The following LY9 variants were observed in gnomAD, a reference collection of about 807,000 sequenced individuals.
The protein encoded by LY9 is T-lymphocyte surface antigen Ly-9.
A neutral mutation model predicts 64.6 loss-of-function variants in LY9; 59 were observed. The observed-to-expected ratio is 0.91, with a 90% CI of 0.74 to 1.13. The LOEUF is 1.13. Among genes scored for constraint, LY9 ranks in the 50% most tolerant of loss-of-function variants. The pLI is 0.00. For missense variants in LY9, 789 were observed against 797.2 expected (o/e 0.99, Z 0.12); for synonymous variants, 281 against 308.5 (o/e 0.91, Z 0.93).
At chr1:160,819,413 C>G in intron 7 of LY9, 39 bp downstream of exon 7, 1 of 1,541,638 alleles carries the variant, frequency 6.5e-7, no homozygotes, top group Admixed American at 1.7e-5. Context: ...GGTATCTGGT[C>G]CAAATGGAAG....
At chr1:160,826,172 G>C (rs923472476) in intron 9 of LY9, among the ~76,000 whole-genome samples, 6 of 152,124 alleles carry the variant, frequency 3.9e-5, no homozygotes, top group Non-Finnish European at 5.9e-5. Flanking sequence ...AAAATCATAA[G>C]GAAGATAAAA....
intron 9 of LY9, among the ~76,000 whole-genome samples, chr1:160,826,987 G>A (rs192885972): frequency 6.2e-4 from 95 of 152,298 alleles, no homozygotes; most frequent in African/African-American, 2.1e-3. Context: ...CTACCCTGGA[G>A]ACTGAGACCC....
chr1:160,821,736 A>G (rs1252612864), intron 7 of LY9, among the ~76,000 whole-genome samples: 1 of 152,156 alleles, frequency 6.6e-6, no homozygotes, highest in African/African-American at 2.4e-5. Flanking sequence ...CCTCCTTATG[A>G]ATCCCTAAGC....
chr1:160,803,268 T>G, intron 2 of LY9, among the ~76,000 whole-genome samples: 1 of 150,722 alleles, frequency 6.6e-6, no homozygotes. Flanking sequence ...GGTGACAAAG[T>G]GAAAACCGTG....
chr1:160,827,335 C>G (rs761333978), intron 9 of LY9, among the ~76,000 whole-genome samples: 1 of 152,218 alleles, frequency 6.6e-6, no homozygotes, highest in Non-Finnish European at 1.5e-5. Flanking sequence ...CCCTTGGGAA[C>G]AGCTTGGGGA....
chr1:160,796,660 G>A (rs1665901145), intron 1 of LY9, among the ~76,000 whole-genome samples: 1 of 152,106 alleles, frequency 6.6e-6, no homozygotes, highest in Admixed American at 6.5e-5. Context: ...TGAAGTGCTG[G>A]GATTACAGGC....
At chr1:160,805,919 CT>C (rs60244350) in intron 2 of LY9, among the ~76,000 whole-genome samples, 1,322 of 72,434 alleles carry the variant, frequency 0.018, 11 homozygotes, top group Middle Eastern at 0.057. Context: ...CATTCTTTGT[CT>C]TTTTTTTTTT....
At chr1:160,805,524 A>G (rs1666889071) in intron 2 of LY9, among the ~76,000 whole-genome samples, 1 of 152,156 alleles carries the variant, frequency 6.6e-6, no homozygotes. Context: ...CAAATAGTTT[A>G]TCCTGGAGAA....
intron 2 of LY9, among the ~76,000 whole-genome samples, chr1:160,803,097 C>G (rs1666656127): frequency 6.6e-6 from 1 of 152,030 alleles, no homozygotes; most frequent in African/African-American, 2.4e-5. Flanking sequence ...GACTGGCTAA[C>G]ATGGTGAAAC....
intron 2 of LY9, chr1:160,811,822 C>T (rs1022348385): frequency 1.6e-4 from 25 of 152,306 alleles, no homozygotes; most frequent in African/African-American, 5.8e-4. Flanking sequence ...CTGCAGTGTT[C>T]CTATTTTCTT....
Position 160,800,012 on chromosome 1 carries a change from C to T in LY9, c.384C>T (p.Ser128=). The T allele has an allele frequency of 6.2e-7, 1 of 1,614,168 alleles. No homozygotes were observed. Among genetic ancestry groups the T allele is most frequent in the South Asian group, 1.1e-5 (1 of 91,080 alleles). The part of the protein sequence containing the change: ...ISNLTLNDAG[S]YKAQINQRNF... ...ATCTGACTCTGAATGATGCAGGATC[C>T]TACAAAGCCCAGATAAACCAAAGGA... Residue 128 remains serine, a synonymous_variant, in exon 2 of 10, where the codon TCC becomes TCT. Transcript: ENST00000263285.
chr1:160,817,984 T>G (rs990803134), intron 5 of LY9, among the ~76,000 whole-genome samples: 1 of 152,164 alleles, frequency 6.6e-6, no homozygotes, highest in African/African-American at 2.4e-5. Context: ...ACTGTGACAC[T>G]GGGCAAGCCG....
At chr1:160,823,066 T>C (rs1341908874) in intron 7 of LY9, among the ~76,000 whole-genome samples, 1 of 152,162 alleles carries the variant, frequency 6.6e-6, no homozygotes, top group Non-Finnish European at 1.5e-5. Context: ...TTCCATAGGA[T>C]ACTTGGCAAA....
intron 2 of LY9, chr1:160,810,657 A>G (rs778109539): frequency 4.6e-5 from 7 of 152,336 alleles, no homozygotes; most frequent in Non-Finnish European, 1.0e-4. Context: ...CTGGCCTCTC[A>G]AAATTCATGT....
At position 160,824,138 on chromosome 1, in the gene LY9, C is replaced by T. The variant is rs1192312747; in HGVS notation, c.1831-43C>T. The T allele has an allele frequency of 4.3e-6, 7 of 1,612,924 alleles. No homozygotes were observed. In the South Asian group the frequency reaches 6.6e-5, roughly 15 times the overall value. On this transcript the variant is annotated intron_variant, in intron 8 of 9. Coordinates refer to ENST00000263285, the MANE Select transcript of LY9 (RefSeq NM_002348.4). The stretch of plus-strand genomic sequence containing the variant: ...GGGTTGAGGGTAAAACTGAAAAGCT[C>T]TCATGTGGTCACTAGGGCTCATCTG...
At chr1:160,807,531 G>A (rs1558090071) in intron 2 of LY9, among the ~76,000 whole-genome samples, 1 of 152,178 alleles carries the variant, frequency 6.6e-6, no homozygotes, top group Non-Finnish European at 1.5e-5. Context: ...CGATTTTTAG[G>A]TCTCCAGGTG....
At chr1:160,814,901 C>G in intron 4 of LY9, 140 bp downstream of exon 4, 1 of 671,982 alleles carries the variant, frequency 1.5e-6, no homozygotes, top group Non-Finnish European at 2.5e-6. Context: ...CTGTTCAGTT[C>G]ACACCAGTTG....
chr1:160,809,423 G>C lies in LY9; in HGVS notation c.455-4213G>C, dbSNP rs534849442. Among the ~76,000 whole-genome samples, 402 of 151,274 alleles carry C rather than the reference G, an allele frequency of 2.7e-3. 8 individuals are homozygous for C. The South Asian group carries it at 0.04, about 15-fold the overall frequency. ...TCTCATTTTGTTGTCCAGGCTAGTCGCAAACTCCTGGACTCAAGCTGTCCC... is the reference window on the plus strand; with the variant it reads ...TCTCATTTTGTTGTCCAGGCTAGTCCCAAACTCCTGGACTCAAGCTGTCCC... On this transcript the variant is annotated intron_variant, in intron 2 of 9. Transcript: ENST00000263285.
At chr1:160,800,754 A>T (rs1666387758) in intron 2 of LY9, among the ~76,000 whole-genome samples, 2 of 152,046 alleles carry the variant, frequency 1.3e-5, no homozygotes, top group African/African-American at 4.8e-5. Context: ...CTGTATGTCC[A>T]TGTGTACCCA....
Sources: gnomAD v4.1 joint callset for allele counts (sites outside exome capture counted in the v4.1 genomes callset) on GRCh38, gnomAD v4.1.1 for gene constraint, MANE v1.5 for transcripts, NCBI Gene and HGNC (gene_info 2026-07-23, HGNC 2026-07-21) for gene names.